REDIC1: variants seen among roughly 807,000 people sequenced by gnomAD.
The protein encoded by REDIC1 is HEI10 Interacting Protein 1.
chr12:39,868,502 C>T, the REDIC1 span, among the ~76,000 whole-genome samples: 1 of 152,176 alleles, frequency 6.6e-6, no homozygotes, highest in Non-Finnish European at 1.5e-5. Flanking sequence ...GCACATATTT[C>T]AAGTCTCATT....
the REDIC1 span, chr12:39,646,414 G>A: frequency 1.4e-4 from 215 of 1,490,236 alleles, no homozygotes; most frequent in Non-Finnish European, 1.7e-4. Context: ...TTACAATGTC[G>A]CCTCACTGTG....
the REDIC1 span, among the ~76,000 whole-genome samples, chr12:39,902,909 T>C: frequency 6.6e-6 from 1 of 152,212 alleles, no homozygotes. Context: ...CCTTATTGAG[T>C]TGCATCTTAT....
the REDIC1 span, among the ~76,000 whole-genome samples, chr12:39,878,447 C>T: frequency 6.6e-6 from 1 of 152,154 alleles, no homozygotes; most frequent in African/African-American, 2.4e-5. Flanking sequence ...AAATGAGGAA[C>T]TTATTGGGAA....
the REDIC1 span, among the ~76,000 whole-genome samples, chr12:39,699,370 T>G: frequency 6.6e-6 from 1 of 152,168 alleles, no homozygotes; most frequent in African/African-American, 2.4e-5. Context: ...GTCACTCCCA[T>G]CCGAATACTG....
At chr12:39,646,858 A>G in the REDIC1 span, 8 of 1,598,778 alleles carry the variant, frequency 5.0e-6, no homozygotes, top group Non-Finnish European at 6.8e-6. Context: ...GTCAAAGACT[A>G]AGTAGCAAGG....
the REDIC1 span, among the ~76,000 whole-genome samples, chr12:39,697,424 A>G: frequency 6.6e-6 from 1 of 152,264 alleles, no homozygotes; most frequent in Non-Finnish European, 1.5e-5. Flanking sequence ...ATCTGAAGGT[A>G]CAAAACTCAC....
the REDIC1 span, among the ~76,000 whole-genome samples, chr12:39,710,207 G>T: frequency 6.6e-6 from 1 of 151,700 alleles, no homozygotes; most frequent in Non-Finnish European, 1.5e-5. Context: ...TTAAGTATAA[G>T]GTTTTCGTAT....
the REDIC1 span, among the ~76,000 whole-genome samples, chr12:39,772,055 C>T: frequency 2.6e-5 from 4 of 152,050 alleles, no homozygotes; most frequent in Admixed American, 2.0e-4. Flanking sequence ...ATATTCTCTC[C>T]TCCTCTCAAC....
At chr12:39,734,765 G>A in the REDIC1 span, among the ~76,000 whole-genome samples, 2 of 152,104 alleles carry the variant, frequency 1.3e-5, no homozygotes, top group Non-Finnish European at 2.9e-5. Flanking sequence ...ATACTATCTT[G>A]ATTGTAGTGT....
At chr12:39,771,497 C>G in the REDIC1 span, among the ~76,000 whole-genome samples, 2 of 152,090 alleles carry the variant, frequency 1.3e-5, no homozygotes, top group Non-Finnish European at 2.9e-5. Flanking sequence ...CCACAAATTA[C>G]TGAATTCTGC....
the REDIC1 span, among the ~76,000 whole-genome samples, chr12:39,776,317 G>C: frequency 3.9e-5 from 6 of 152,128 alleles, no homozygotes; most frequent in African/African-American, 1.4e-4. Context: ...TCTGCCGACA[G>C]CTGAGTGGTC....
chr12:39,888,267 C>T, the REDIC1 span, among the ~76,000 whole-genome samples: 1 of 152,102 alleles, frequency 6.6e-6, no homozygotes, highest in Non-Finnish European at 1.5e-5. Flanking sequence ...CTCTGTCACC[C>T]AGGCTGGAGT....
the REDIC1 span, among the ~76,000 whole-genome samples, chr12:39,637,318 T>C: frequency 6.6e-6 from 1 of 152,092 alleles, no homozygotes; most frequent in Non-Finnish European, 1.5e-5. Flanking sequence ...ATTCAAACTT[T>C]CATTGAAAGA....
chr12:39,718,180 G>T, the REDIC1 span, among the ~76,000 whole-genome samples: 6 of 151,928 alleles, frequency 3.9e-5, no homozygotes, highest in Admixed American at 2.6e-4. Flanking sequence ...CTCTCTCTTG[G>T]GTTCTCTCCC....
the REDIC1 span, among the ~76,000 whole-genome samples, chr12:39,882,330 C>A: frequency 6.6e-6 from 1 of 152,178 alleles, no homozygotes. Flanking sequence ...TCAGGTGATG[C>A]TGATCCTGCT....
At chr12:39,675,577 T>G in the REDIC1 span, among the ~76,000 whole-genome samples, 1 of 152,230 alleles carries the variant, frequency 6.6e-6, no homozygotes, top group Non-Finnish European at 1.5e-5. Context: ...TTCTACCACG[T>G]GCAACATCCT....
At chr12:39,658,004 A>G in the REDIC1 span, among the ~76,000 whole-genome samples, 1 of 152,052 alleles carries the variant, frequency 6.6e-6, no homozygotes, top group African/African-American at 2.4e-5. Flanking sequence ...TTTTAGGGCT[A>G]TAAATTCTCT....
the REDIC1 span, chr12:39,716,934 A>G: frequency 6.8e-6 from 5 of 736,672 alleles, no homozygotes; most frequent in Non-Finnish European, 9.7e-6. Context: ...TGTTGAGTCA[A>G]TTAAATAGTG....
chr12:39,899,094 G>T, the REDIC1 span, among the ~76,000 whole-genome samples: 1 of 152,180 alleles, frequency 6.6e-6, no homozygotes, highest in Middle Eastern at 3.4e-3. Context: ...GAATTCGGCT[G>T]TGAATCCATC....
Sources: gnomAD v4.1 joint callset for allele counts (sites outside exome capture counted in the v4.1 genomes callset) on GRCh38, gnomAD v4.1.1 for gene constraint, MANE v1.5 for transcripts, NCBI Gene and HGNC (gene_info 2026-07-23, HGNC 2026-07-21) for gene names.